The following MAST3 variants were observed in gnomAD, a reference collection of about 807,000 sequenced individuals.
MAST3 encodes the protein microtubule associated serine/threonine kinase 3, also known as microtubule-associated serine/threonine-protein kinase 3.
MAST3 carries 43 observed loss-of-function variants against 127.0 expected under a neutral mutation model. The ratio of observed to expected loss-of-function variants is 0.34; its 90% CI spans 0.27 to 0.44. The LOEUF is 0.44. Ranked by LOEUF, MAST3 falls within the 20% of genes least tolerant of loss-of-function variation. MAST3 has a pLI of 1.00. For synonymous variants in MAST3, 785 were observed against 809.2 expected (o/e 0.97, Z 0.51); for missense variants, 1,390 against 1,919.1 (o/e 0.72, Z 5.15).
chr19:18,107,497 T>G (rs2038167554), intron 1 of MAST3, 90 bp from the exon 2 acceptor site: 2 of 1,265,536 alleles, frequency 1.6e-6, no homozygotes, highest in Non-Finnish European at 2.3e-6. Flanking sequence ...GGTTGGGGCA[T>G]GGGATTGGGG....
chr19:18,143,934 C>T lies in MAST3; in HGVS notation c.2511C>T (p.Pro837=), dbSNP rs55972498. ...CAGGCCCTGCAGGCCCCAAGAGGCC[C>T]GTCTTCATTCTAGGGGAGCCTGACC... The part of the protein sequence containing the change: ...VGPGPAGPKR[P]VFILGEPDPP... The change falls in exon 22 of 28, where the codon CCC becomes CCT. Residue 837 remains proline (P), a synonymous_variant. Coordinates refer to ENST00000687212, the MANE Select transcript of MAST3 (RefSeq NM_001393504.1). The T allele has an allele frequency of 4.2e-5, 68 of 1,611,478 alleles. No homozygotes were observed. The East Asian group carries it at 5.1e-4, about 12-fold the overall frequency.
At chr19:18,138,587 T>C (rs978973248) in intron 19 of MAST3, among the ~76,000 whole-genome samples, 2 of 152,020 alleles carry the variant, frequency 1.3e-5, no homozygotes, top group Non-Finnish European at 2.9e-5. Context: ...AACCTCTGCC[T>C]CCCGGGTTCA....
chr19:18,143,447 G>A (rs1380357090), intron 21 of MAST3, among the ~76,000 whole-genome samples: 1 of 151,866 alleles, frequency 6.6e-6, no homozygotes, highest in Non-Finnish European at 1.5e-5. Flanking sequence ...GTGGCGGCAG[G>A]CACCCATAAT....
At position 18,121,674 on chromosome 19, in the gene MAST3, TC is replaced by T. The variant is rs762015645; in HGVS notation, c.162-5del. 1.9e-6 allele frequency: 3 copies of T among 1,612,304 alleles called. No individual in the cohort carries two copies. The highest frequency in any genetic ancestry group is 1.1e-5 in the South Asian group (1 of 90,944). On this transcript the variant is annotated splice_polypyrimidine_tract_variant and intron_variant, in intron 3 of 27. Coordinates refer to ENST00000687212, the MANE Select transcript of MAST3 (RefSeq NM_001393504.1). ...GGCAGCCACCTACCCTGTCCCCTTTTCCCCCCACAGCTGCCGCAGCGGGAAC... is the reference window on the plus strand; with the variant it reads ...GGCAGCCACCTACCCTGTCCCCTTTTCCCCCACAGCTGCCGCAGCGGGAAC...
In MAST3 at chr19:18,125,439, C is replaced by T. The variant is rs187350718; in HGVS notation, c.1078+665C>T. The stretch of plus-strand genomic sequence containing the variant: ...ACAGGACAACCCGTAGGTAAGAAGA[C>T]GGTCAAAAACTCCCACAGCCGGCCG... On this transcript the variant is annotated intron_variant, in intron 11 of 27. Transcript: ENST00000687212. Among the ~76,000 whole-genome samples, 250 of 152,264 alleles carry T rather than the reference C, an allele frequency of 1.6e-3. 1 individual carries two copies. Among genetic ancestry groups the T allele is most frequent in the Middle Eastern group, 0.01 (3 of 294 alleles).
At chr19:18,104,420 G>A (rs1271076042) in intron 1 of MAST3, among the ~76,000 whole-genome samples, 1 of 151,894 alleles carries the variant, frequency 6.6e-6, no homozygotes, top group Non-Finnish European at 1.5e-5. Flanking sequence ...CAGAGCAGCT[G>A]AAGTCAGGCC....
At chr19:18,135,696 C>A in intron 17 of MAST3, 44 bp from the exon 18 acceptor site, 3 of 1,446,984 alleles carry the variant, frequency 2.1e-6, no homozygotes, top group South Asian at 1.2e-5. Context: ...GGGTACCCTG[C>A]CTTCTCCCTC....
chr19:18,113,583 C>T (rs1374974678), intron 3 of MAST3, among the ~76,000 whole-genome samples: 1 of 152,196 alleles, frequency 6.6e-6, no homozygotes, highest in East Asian at 1.9e-4. Context: ...GCCTCAGCCT[C>T]GTGAGTAGCT....
chr19:18,111,530 C>CTTTTTTT (rs576984210), intron 3 of MAST3, among the ~76,000 whole-genome samples: 2,389 of 103,140 alleles, frequency 0.023, 396 homozygotes, highest in African/African-American at 0.1. Context: ...TTTCCACAGA[C>CTTTTTTT]TTTTTTTTTT....
At chr19:18,129,781 T>C (rs1246919503) in intron 13 of MAST3, among the ~76,000 whole-genome samples, 2 of 150,958 alleles carry the variant, frequency 1.3e-5, no homozygotes, top group Admixed American at 6.6e-5. Flanking sequence ...AATAATTAAC[T>C]GGGCGTAATG....
At position 18,141,675 on chromosome 19, in the gene MAST3, A is replaced by G. The variant is rs2042505347; in HGVS notation, c.2206-207A>G. ...GGCATAAGTCACCAGGCCTGGTCTA[A>G]GCCAGCTTTCTTGCCACCTTTGTTA... On this transcript the variant is annotated intron_variant, in intron 20 of 27. Coordinates refer to ENST00000687212, the MANE Select transcript of MAST3 (RefSeq NM_001393504.1). 2.0e-5 allele frequency among the ~76,000 whole-genome samples: 3 copies of G among 151,898 alleles called. No homozygotes were observed. The South Asian group carries it at 6.2e-4, about 32-fold the overall frequency.
At chr19:18,097,919 C>T in intron 1 of MAST3, 88 bp downstream of exon 1, 1 of 1,065,020 alleles carries the variant, frequency 9.4e-7, no homozygotes, top group Non-Finnish European at 1.2e-6. Context: ...GGGGCCTTCA[C>T]GGGCTGTAGG....
rs2042306890 is a variant in MAST3 at position 18,140,174 on chromosome 19, G to A, written c.2205+1050G>A. 2.0e-5 allele frequency among the ~76,000 whole-genome samples: 3 copies of A among 152,022 alleles called. No homozygotes were observed. The South Asian group carries it at 6.2e-4, about 31-fold the overall frequency. Reference sequence around the variant, plus strand: ...GCAGGCGGATCACTTGAGGTCAGGAGTTCAAGACCAGCCTGACTAACATGG... The same window carrying A: ...GCAGGCGGATCACTTGAGGTCAGGAATTCAAGACCAGCCTGACTAACATGG... On this transcript the variant is annotated intron_variant, in intron 20 of 27. Coordinates refer to ENST00000687212, the MANE Select transcript of MAST3 (RefSeq NM_001393504.1).
At chr19:18,104,500 A>AG in intron 1 of MAST3, among the ~76,000 whole-genome samples, 1 of 152,188 alleles carries the variant, frequency 6.6e-6, no homozygotes, top group Admixed American at 6.6e-5. Flanking sequence ...CAGCTGGGTC[A>AG]TCCGGCAGCC....
chr19:18,132,152 G>A (rs904351251), intron 15 of MAST3, 105 bp downstream of exon 15: 2 of 1,456,730 alleles, frequency 1.4e-6, no homozygotes, highest in South Asian at 1.3e-5. Context: ...TGCATCCCGG[G>A]ACCCTTCAGG....
At chr19:18,113,244 A>G (rs898959750) in intron 3 of MAST3, among the ~76,000 whole-genome samples, 3 of 151,708 alleles carry the variant, frequency 2.0e-5, no homozygotes, top group Non-Finnish European at 4.4e-5. Flanking sequence ...CCTAGGAATA[A>G]GCTCATAAAC....
rs539077593 is a variant in MAST3, at chr19:18,110,040, G to A, written c.72-612G>A. ...AAGCCGGCGGCCTCGGCGTCCCTGCGGCAGACAGGGCGGCACCCGCGGCTC... is the reference window on the plus strand; with the variant it reads ...AAGCCGGCGGCCTCGGCGTCCCTGCAGCAGACAGGGCGGCACCCGCGGCTC... On this transcript the variant is annotated intron_variant, in intron 2 of 27. Coordinates refer to ENST00000687212, the MANE Select transcript of MAST3 (RefSeq NM_001393504.1). This position sits in a 1 kb window ranked among gnomAD's most constrained non-coding sequence, Gnocchi z 4.3. 7 of 985,250 alleles carry A rather than the reference G, an allele frequency of 7.1e-6. No homozygotes were observed. The highest frequency in any genetic ancestry group is 8.4e-6 in the Non-Finnish European group (7 of 829,920). 61.0% of individuals were successfully genotyped at this position (985,250 alleles called of 1,614,324 possible).
rs756987654 is a variant in MAST3 at position 18,150,213 on chromosome 19, C to G, written c.*487C>G. The G allele has an allele frequency of 1.3e-5, 2 of 159,178 alleles. No homozygotes were observed. The highest frequency in any genetic ancestry group is 2.7e-5 in the Non-Finnish European group (2 of 72,944). The allele number at this position is 159,178 out of a possible 1,614,324, so 9.9% of individuals were successfully genotyped here. A position where few individuals can be genotyped will look rare whatever the true frequency, so the allele number is the denominator to read the frequency against. ...ATGTTGGTCAGGCTGGTCTCGAACT[C>G]CTGACCTCATGATTTGCCTGCCTTT... On this transcript the variant is annotated 3_prime_UTR_variant, in exon 28 of 28. Transcript: ENST00000687212.
chr19:18,138,591 G>A (rs931705342), intron 19 of MAST3, among the ~76,000 whole-genome samples: 9 of 152,186 alleles, frequency 5.9e-5, no homozygotes, highest in East Asian at 1.9e-4. Flanking sequence ...TCTGCCTCCC[G>A]GGTTCAAGCG....
Sources: gnomAD v4.1 joint callset for allele counts (sites outside exome capture counted in the v4.1 genomes callset) on GRCh38, gnomAD v4.1.1 for gene constraint, Gnocchi (gnomAD v3.1) non-coding constraint, MANE v1.5 for transcripts, NCBI Gene and HGNC (gene_info 2026-07-23, HGNC 2026-07-21) for gene names.